The following PSG6 variants were observed in gnomAD, a reference collection of about 807,000 sequenced individuals.
PSG6 encodes the protein pregnancy specific beta-1-glycoprotein 6.
In PSG6, 51 loss-of-function variants were observed where a neutral mutation model predicts 43.3. That is an observed-to-expected ratio of 1.18 (90% confidence interval 0.94 to 1.49). The LOEUF (loss-of-function observed/expected upper bound fraction) is 1.49, where lower values mean the gene tolerates loss of function less well. PSG6 is among the 40% of genes most tolerant of loss of function. The pLI, the probability that PSG6 is intolerant of heterozygous loss-of-function variation, is 0.00. For missense variants in PSG6, 770 were observed against 522.2 expected (o/e 1.47, Z -4.62); for synonymous variants, 292 against 197.6 (o/e 1.48, Z -4.01).
At chr19:42,903,152 T>C (rs556999803) in intron 5 of PSG6, among the ~76,000 whole-genome samples, 22 of 151,742 alleles carry the variant, frequency 1.4e-4, no homozygotes, top group African/African-American at 4.8e-4. Context: ...AGGCTAATGA[T>C]GATGGTAGTA....
At chr19:42,909,750 G>A (rs1016352022) in intron 3 of PSG6, 1 of 151,636 alleles carries the variant, frequency 6.6e-6, no homozygotes, top group Non-Finnish European at 1.5e-5. Flanking sequence ...GAATGATCTA[G>A]AAAGAGTGAA....
At chr19:42,913,625 G>T (rs946312743) in intron 2 of PSG6, among the ~76,000 whole-genome samples, 8 of 151,768 alleles carry the variant, frequency 5.3e-5, no homozygotes, top group African/African-American at 1.9e-4. Context: ...CTAGTGAAAT[G>T]GGTGAAATGA....
intron 2 of PSG6, among the ~76,000 whole-genome samples, chr19:42,913,839 G>A (rs565035258): frequency 1.7e-4 from 25 of 151,352 alleles, no homozygotes; most frequent in Middle Eastern, 3.4e-3. Flanking sequence ...ATTTCCCTCC[G>A]CCCGCATGAT....
At chr19:42,917,672 C>A in intron 1 of PSG6, 57 bp downstream of exon 1, 1 of 1,598,488 alleles carries the variant, frequency 6.3e-7, no homozygotes, top group Non-Finnish European at 8.6e-7. Flanking sequence ...TCCAGGATAC[C>A]CCATCCAGTC....
chr19:42,909,028 G>C (rs1448867857), intron 3 of PSG6, among the ~76,000 whole-genome samples: 3 of 151,396 alleles, frequency 2.0e-5, no homozygotes, highest in Non-Finnish European at 4.4e-5. Flanking sequence ...TAAGTTTTAG[G>C]ACAAAAAGTG....
At position 42,907,163 on chromosome 19, in the gene PSG6, G is replaced by A; in HGVS notation, c.999C>T (p.Leu333=). ...AGGTGAATGAAGGGTAAATTCTGGG[G>A]AGGTCTGGACCATCTGGAGGAAAGA... ...VTLNVLYGPD[L]PRIYPSFTYY... The change falls in exon 5 of 6, where the codon CTC becomes CTT. Residue 333 remains leucine (L), a synonymous_variant. Transcript: ENST00000187910. 6.2e-7 allele frequency: 1 copy of A among 1,612,516 alleles called. No homozygotes were observed. The highest frequency in any genetic ancestry group is 1.1e-5 in the South Asian group (1 of 90,804).
rs1440831392 is a variant in PSG6 at position 42,902,123 on chromosome 19, G to C, written c.*289C>G. 2.9e-6 allele frequency: 1 copy of C among 348,708 alleles called. No individual in the cohort carries two copies. The highest frequency in any genetic ancestry group is 5.3e-6 in the Non-Finnish European group (1 of 187,126). 21.6% of individuals were successfully genotyped at this position (348,708 alleles called of 1,614,324 possible). Reference sequence around the variant, plus strand: ...AATAACTTTATTACCATAAACCTATGAATACTCATGAATAGTTTCCCAATT... The same window carrying C: ...AATAACTTTATTACCATAAACCTATCAATACTCATGAATAGTTTCCCAATT... On this transcript the variant is annotated 3_prime_UTR_variant, in exon 6 of 6. Transcript: ENST00000187910.
rs543668548 is a variant in PSG6, at chr19:42,907,951, T to A, written c.707-97A>T. ...GGCATCTCCCACCTGTCAACCCACA[T>A]GAGTCCTTGAAAGCCAGTAGCTGGT... On this transcript the variant is annotated intron_variant, in intron 3 of 5. Coordinates refer to ENST00000187910, the MANE Select transcript of PSG6 (RefSeq NM_001031850.4). 6 of 1,517,640 alleles carry A rather than the reference T, an allele frequency of 4.0e-6. No individual in the cohort carries two copies. In the Admixed American group the frequency reaches 7.2e-5, roughly 18 times the overall value. The allele number at this position is 1,517,640 out of a possible 1,614,324, so 94.0% of individuals were successfully genotyped here. A position where few individuals can be genotyped will look rare whatever the true frequency, so the allele number is the denominator to read the frequency against.
At chr19:42,908,046 AG>A (rs1972152856) in intron 3 of PSG6, 192 bp from the exon 4 acceptor site, 1 of 948,790 alleles carries the variant, frequency 1.1e-6, no homozygotes, top group South Asian at 1.8e-5. Context: ...GCTCTGTCTT[AG>A]GGAAGCACAG....
Position 42,916,501 on chromosome 19 carries a change from A to G in PSG6, c.65-14T>C. The G allele has an allele frequency of 6.2e-7, 1 of 1,603,534 alleles. No homozygotes were observed. On this transcript the variant is annotated splice_polypyrimidine_tract_variant and intron_variant, in intron 1 of 5. Coordinates refer to ENST00000187910, the MANE Select transcript of PSG6 (RefSeq NM_001031850.4). Reference sequence around the variant, plus strand: ...TTAAAAGTGATGCTAGGAGGTAGAGACAGCATCAGTTAATATTTGGACCTA... The same window carrying G: ...TTAAAAGTGATGCTAGGAGGTAGAGGCAGCATCAGTTAATATTTGGACCTA...
intron 3 of PSG6, 36 bp from the exon 4 acceptor site, chr19:42,907,890 C>G (rs746833052): frequency 1.2e-6 from 2 of 1,604,024 alleles, no homozygotes; most frequent in South Asian, 1.1e-5. Context: ...TGTGTGGCAC[C>G]TTTGATTCCT....
chr19:42,912,356 T>A (rs190955367), intron 2 of PSG6, among the ~76,000 whole-genome samples: 1 of 151,852 alleles, frequency 6.6e-6, no homozygotes, highest in East Asian at 1.9e-4. Flanking sequence ...AAATTTTTAC[T>A]GATGGTCCAA....
At chr19:42,917,445 C>G (rs1238209605) in intron 1 of PSG6, among the ~76,000 whole-genome samples, 1 of 146,722 alleles carries the variant, frequency 6.8e-6, no homozygotes, top group African/African-American at 2.5e-5. Context: ...CTAGCTGCAA[C>G]TTCTGCCTCC....
At chr19:42,909,350 C>T (rs1388360941) in intron 3 of PSG6, among the ~76,000 whole-genome samples, 5 of 151,412 alleles carry the variant, frequency 3.3e-5, no homozygotes, top group Non-Finnish European at 5.9e-5. Context: ...AACTTTCCAC[C>T]TTTTCTGGTT....
At chr19:42,903,868 A>G (rs979077954) in intron 5 of PSG6, 13 of 1,125,212 alleles carry the variant, frequency 1.2e-5, no homozygotes, top group African/African-American at 8.1e-5. Context: ...ATTCCATCCT[A>G]GGGTGGCCTA....
intron 5 of PSG6, among the ~76,000 whole-genome samples, chr19:42,906,127 C>G (rs1191965117): frequency 6.6e-6 from 1 of 151,578 alleles, no homozygotes; most frequent in Non-Finnish European, 1.5e-5. Context: ...TCCTGCCATG[C>G]AGAGCCCCAG....
At chr19:42,908,435 A>G (rs953761721) in intron 3 of PSG6, among the ~76,000 whole-genome samples, 4 of 151,418 alleles carry the variant, frequency 2.6e-5, no homozygotes, top group African/African-American at 9.8e-5. Context: ...TAGAGGCACC[A>G]GGTGGGGCAG....
intron 2 of PSG6, among the ~76,000 whole-genome samples, chr19:42,914,597 T>C (rs1972288711): frequency 6.6e-6 from 1 of 150,984 alleles, no homozygotes; most frequent in Admixed American, 6.6e-5. Flanking sequence ...GTGGGGTGGC[T>C]TTAGGGTCAA....
chr19:42,903,520 T>C (rs1447614419), intron 5 of PSG6: 2 of 1,222,526 alleles, frequency 1.6e-6, no homozygotes. Flanking sequence ...TTCTTCAAAA[T>C]AAAATCAACA....
Sources: gnomAD v4.1 joint callset for allele counts (sites outside exome capture counted in the v4.1 genomes callset) on GRCh38, gnomAD v4.1.1 for gene constraint, MANE v1.5 for transcripts, NCBI Gene and HGNC (gene_info 2026-07-23, HGNC 2026-07-21) for gene names.